The following TADA2A variants were observed in gnomAD, a reference collection of about 807,000 sequenced individuals.
TADA2A encodes the protein transcriptional adaptor 2A, also known as transcriptional adapter 2-alpha.
A neutral mutation model predicts 67.4 loss-of-function variants in TADA2A; 38 were observed. The ratio of observed to expected loss-of-function variants is 0.56; its 90% confidence interval spans 0.44 to 0.74. The LOEUF is 0.74. Ranked by LOEUF, TADA2A falls within the 30% of genes least tolerant of loss-of-function variation. The pLI, the probability that TADA2A is intolerant of heterozygous loss-of-function variation, is 0.00. For missense variants in TADA2A, 454 were observed against 547.0 expected, an observed-to-expected ratio of 0.83 and a Z score of 1.70; for synonymous variants, 192 against 181.6, an observed-to-expected ratio of 1.06 and a Z score of -0.46.
intron 1 of TADA2A, among the ~76,000 whole-genome samples, chr17:37,408,188 CCTA>C (rs1176045805): frequency 6.6e-6 from 1 of 151,712 alleles, no homozygotes; most frequent in Non-Finnish European, 1.5e-5. Context: ...CACCCGGCCT[CCTA>C]CTGTGCTTTT....
chr17:37,427,451 G>A (rs180872530), intron 4 of TADA2A, among the ~76,000 whole-genome samples: 2 of 152,268 alleles, frequency 1.3e-5, no homozygotes. Context: ...GTTACCTTCT[G>A]AGAGTCAGGT....
chr17:37,466,218 C>T (rs998594547), intron 11 of TADA2A, among the ~76,000 whole-genome samples: 1 of 152,024 alleles, frequency 6.6e-6, no homozygotes, highest in African/African-American at 2.4e-5. Context: ...TCGAGGAGTT[C>T]GAGACCAATC....
chr17:37,437,959 G>A, intron 5 of TADA2A, 130 bp downstream of exon 5: 1 of 804,950 alleles, frequency 1.2e-6, no homozygotes, highest in Non-Finnish European at 2.1e-6. Context: ...TGATTTAGAG[G>A]CAAGTTAGTC....
rs2052182066 is a variant in TADA2A, at chr17:37,419,999, A to G, written c.26-3510A>G. 1.5e-5 allele frequency among the ~76,000 whole-genome samples: 2 copies of G among 134,654 alleles called. 1 individual carries two copies. The highest frequency in any genetic ancestry group is 4.8e-4 in the South Asian group (2 of 4,146). The allele number at this position is 134,654 out of a possible 152,430, so 88.3% of individuals were successfully genotyped here. ...CACTGCACTTCAGCCTGGGCGACAG[A>G]GCAAGACTCCGTCTCAAAAAAAAAA... On this transcript the variant is annotated intron_variant, in intron 2 of 15. Transcript: ENST00000615182.
intron 6 of TADA2A, among the ~76,000 whole-genome samples, chr17:37,441,479 C>T (rs917533802): frequency 1.3e-5 from 2 of 152,048 alleles, no homozygotes; most frequent in Non-Finnish European, 1.5e-5. Context: ...ATCTCATGTG[C>T]GTGTGGGACC....
intron 8 of TADA2A, among the ~76,000 whole-genome samples, chr17:37,450,810 T>C (rs1409764493): frequency 6.6e-6 from 1 of 152,220 alleles, no homozygotes; most frequent in Non-Finnish European, 1.5e-5. Context: ...TTGTCCTCCC[T>C]AGGTTATTCA....
chr17:37,454,750 G>T, intron 8 of TADA2A: 1 of 327,026 alleles, frequency 3.1e-6, no homozygotes, highest in Non-Finnish European at 6.4e-6. Flanking sequence ...CTAATATAGT[G>T]GCCAAGAGGA....
intron 11 of TADA2A, among the ~76,000 whole-genome samples, chr17:37,466,096 T>G (rs576041834): frequency 6.6e-6 from 1 of 152,350 alleles, no homozygotes; most frequent in African/African-American, 2.4e-5. Context: ...TCTACATAGT[T>G]ACCATTTGAT....
rs776452779 is a variant in TADA2A, at chr17:37,467,485, G to T, written c.855G>T (p.Arg285Ser). Residue 285 changes from arginine to serine, a missense_variant, in exon 12 of 16, where the codon AGG becomes AGT. By Grantham distance (110) the Arg-to-Ser change is moderately radical (BLOSUM62 -1). Transcript: ENST00000615182. ...LEFELRREIK[R>S]LQEYRTAGIT... ...TTGAACTCCGAAGGGAAATCAAGAG[G>T]CTCCAAGAATACAGGACAGCAGGCA... 6.2e-7 allele frequency: 1 copy of T among 1,613,852 alleles called. No homozygotes were observed. Among genetic ancestry groups the T allele is most frequent in the Non-Finnish European group, 8.5e-7 (1 of 1,179,974 alleles).
rs2053657078 is a variant in TADA2A at position 37,466,019 on chromosome 17, G to C, written c.823+478G>C. Among the ~76,000 whole-genome samples the C allele has an allele frequency of 3.3e-5, 5 of 152,328 alleles. No individual in the cohort carries two copies. In the South Asian group the frequency reaches 8.3e-4, roughly 25 times the overall value. The stretch of plus-strand genomic sequence containing the variant: ...AAGTAGTTTTAAAAATGAGGACAGA[G>C]ATGGATAGCTTGTGGAGATAGTACT... On this transcript the variant is annotated intron_variant, in intron 11 of 15. Coordinates refer to ENST00000615182, the MANE Select transcript of TADA2A (RefSeq NM_001166105.3).
chr17:37,462,969 TTTG>T (rs567640818), intron 10 of TADA2A, among the ~76,000 whole-genome samples: 142 of 152,248 alleles, frequency 9.3e-4, no homozygotes, highest in Non-Finnish European at 1.6e-3. Context: ...ACTGTGGTTT[TTTG>T]TTGTTGTTTG....
chr17:37,430,631 T>C (rs1288487291), intron 4 of TADA2A, among the ~76,000 whole-genome samples: 1 of 152,218 alleles, frequency 6.6e-6, no homozygotes, highest in East Asian at 1.9e-4. Flanking sequence ...GGGAGCTTCT[T>C]ATAAATGTAG....
intron 14 of TADA2A, among the ~76,000 whole-genome samples, chr17:37,472,211 G>A (rs919405364): frequency 6.6e-6 from 1 of 151,762 alleles, no homozygotes; most frequent in Non-Finnish European, 1.5e-5. Flanking sequence ...GATTAGAGGC[G>A]CCTGCCACTA....
At chr17:37,411,073 CATTTA>C (rs764577005) in intron 1 of TADA2A, among the ~76,000 whole-genome samples, 191 bp from the exon 2 acceptor site, 2 of 152,170 alleles carry the variant, frequency 1.3e-5, no homozygotes, top group Non-Finnish European at 2.9e-5. Context: ...TTGATTATAA[CATTTA>C]ATTCTCACAA....
intron 12 of TADA2A, among the ~76,000 whole-genome samples, chr17:37,467,883 A>G (rs1344507563): frequency 6.6e-6 from 1 of 152,058 alleles, no homozygotes; most frequent in African/African-American, 2.4e-5. Context: ...GGAGTTCGAG[A>G]CCAGCCTGAC....
rs548800233 is a variant in TADA2A at position 37,420,176 on chromosome 17, G to A, written c.26-3333G>A. On this transcript the variant is annotated intron_variant, in intron 2 of 15. Coordinates refer to ENST00000615182, the MANE Select transcript of TADA2A (RefSeq NM_001166105.3). ...AATATACAATAATTTTTGGCTCAGC[G>A]CAGTGGCTCACTCCTGTAATCACAG... Among the ~76,000 whole-genome samples the A allele has an allele frequency of 2.1e-4, 30 of 146,226 alleles. 4 individuals are homozygous for A. The highest frequency in any genetic ancestry group is 6.2e-4 in the Admixed American group (9 of 14,494).
chr17:37,429,781 G>A (rs1219354660), intron 4 of TADA2A, among the ~76,000 whole-genome samples: 3 of 150,396 alleles, frequency 2.0e-5, no homozygotes, highest in African/African-American at 7.3e-5. Context: ...TAGAGTTCTT[G>A]GGAGCCAACT....
At chr17:37,445,297 ACT>A (rs2053043831) in intron 8 of TADA2A, among the ~76,000 whole-genome samples, 1 of 152,094 alleles carries the variant, frequency 6.6e-6, no homozygotes, top group Non-Finnish European at 1.5e-5. Flanking sequence ...ACGGAGTCTC[ACT>A]CTGTTACACA....
intron 1 of TADA2A, chr17:37,408,051 T>TA (rs1364488193): frequency 2.0e-5 from 3 of 151,744 alleles, no homozygotes; most frequent in Admixed American, 2.0e-4. Context: ...CACACCTGGC[T>TA]ATTTTTTGTA....
Sources: allele counts gnomAD v4.1 joint callset (sites outside exome capture counted in the v4.1 genomes callset), GRCh38; gene constraint gnomAD v4.1.1; transcripts MANE v1.5; gene names NCBI Gene and HGNC (gene_info 2026-07-23, HGNC 2026-07-21).